Variants in NSRP1 observed in about 807,000 individuals in gnomAD.
NSRP1 encodes the protein coiled-coil domain containing 55.
Under a neutral mutation model 54.7 loss-of-function variants are expected in NSRP1, and 24 were observed. The ratio of observed to expected loss-of-function variants is 0.44; its 90% CI spans 0.32 to 0.62. The LOEUF (loss-of-function observed/expected upper bound fraction) is 0.62. NSRP1 is among the 20% of genes least tolerant of loss of function. The pLI, the probability that NSRP1 is intolerant of heterozygous loss-of-function variation, is 0.06. For missense variants in NSRP1, 596 were observed against 651.2 expected (o/e 0.92, Z 0.92); for synonymous variants, 210 against 213.8 (o/e 0.98, Z 0.15).
At chr17:30,179,694 C>G (rs1477141244) in intron 5 of NSRP1, among the ~76,000 whole-genome samples, 1 of 151,906 alleles carries the variant, frequency 6.6e-6, no homozygotes, top group Non-Finnish European at 1.5e-5. Flanking sequence ...TAACACCACT[C>G]AAGGAGGATC....
chr17:30,120,938 G>A (rs761511813), intron 2 of NSRP1, among the ~76,000 whole-genome samples: 6 of 152,174 alleles, frequency 3.9e-5, no homozygotes, highest in Non-Finnish European at 8.8e-5. Flanking sequence ...AATCAAGGCA[G>A]GAATAAGCAT....
At chr17:30,178,676 G>A (rs1055690685) in intron 4 of NSRP1, among the ~76,000 whole-genome samples, 2 of 152,088 alleles carry the variant, frequency 1.3e-5, no homozygotes, top group Non-Finnish European at 2.9e-5. Context: ...ACAAGCACAG[G>A]CTGATTTTTA....
chr17:30,127,326 T>TCCA (rs1222600762), intron 2 of NSRP1, among the ~76,000 whole-genome samples: 2 of 152,256 alleles, frequency 1.3e-5, no homozygotes, highest in Non-Finnish European at 2.9e-5. Flanking sequence ...AATTGAAATG[T>TCCA]TTATTTCTAA....
At chr17:30,145,110 T>G (rs1442862860) in intron 2 of NSRP1, among the ~76,000 whole-genome samples, 2 of 152,240 alleles carry the variant, frequency 1.3e-5, no homozygotes, top group African/African-American at 4.8e-5. Context: ...ACGTCTACTG[T>G]ATTTTATCTA....
intron 2 of NSRP1, among the ~76,000 whole-genome samples, chr17:30,126,780 G>C (rs1016352898): frequency 6.6e-6 from 1 of 152,148 alleles, no homozygotes; most frequent in Non-Finnish European, 1.5e-5. Flanking sequence ...GTAGAGACAG[G>C]GTTTCGCCAT....
At chr17:30,171,932 T>TCACACACA (rs1491377647) in intron 2 of NSRP1, among the ~76,000 whole-genome samples, 2 of 92,154 alleles carry the variant, frequency 2.2e-5, no homozygotes, top group African/African-American at 8.5e-5. Flanking sequence ...TTTCCCCATT[T>TCACACACA]CTCACACACA....
At chr17:30,147,932 C>T (rs2071872744) in intron 2 of NSRP1, among the ~76,000 whole-genome samples, 1 of 152,114 alleles carries the variant, frequency 6.6e-6, no homozygotes, top group East Asian at 1.9e-4. Flanking sequence ...CTGTCCCAGC[C>T]TCCCGAGTAG....
chr17:30,118,520 C>T (rs1463485281), intron 2 of NSRP1, among the ~76,000 whole-genome samples: 1 of 152,114 alleles, frequency 6.6e-6, no homozygotes, highest in African/African-American at 2.4e-5. Context: ...ATTTGTTAAC[C>T]ATGAGCTAAG....
intron 2 of NSRP1, among the ~76,000 whole-genome samples, chr17:30,118,747 C>CT (rs1305923308): frequency 1.3e-5 from 2 of 149,358 alleles, no homozygotes; most frequent in Non-Finnish European, 3.0e-5. Context: ...CTTTTCTTTT[C>CT]TCTTTTTTTT....
chr17:30,175,009 T>C (rs928545916), intron 3 of NSRP1, among the ~76,000 whole-genome samples: 1 of 152,236 alleles, frequency 6.6e-6, no homozygotes, highest in Non-Finnish European at 1.5e-5. Context: ...TGGCGAGCCT[T>C]ATACAATGAG....
chr17:30,152,961 T>C (rs1444212101), intron 2 of NSRP1, among the ~76,000 whole-genome samples: 2 of 137,918 alleles, frequency 1.5e-5, no homozygotes, highest in South Asian at 2.4e-4. Flanking sequence ...CAGGCTGGAG[T>C]ATAGTGGCAT....
chr17:30,158,542 C>T (rs1597611821), intron 2 of NSRP1, among the ~76,000 whole-genome samples: 1 of 152,162 alleles, frequency 6.6e-6, no homozygotes, highest in East Asian at 1.9e-4. Flanking sequence ...TTGCCTCAAC[C>T]AGTGTCCCTG....
At chr17:30,117,658 G>GA (rs946164230) in intron 1 of NSRP1, among the ~76,000 whole-genome samples, 7 of 151,152 alleles carry the variant, frequency 4.6e-5, no homozygotes, top group Non-Finnish European at 8.8e-5. Flanking sequence ...TACACAGTAG[G>GA]AAAAAAAATC....
intron 2 of NSRP1, chr17:30,169,057 A>G (rs561186549): frequency 2.0e-5 from 3 of 152,008 alleles, no homozygotes; most frequent in Non-Finnish European, 4.4e-5. Context: ...TGTTTTTTCA[A>G]CGGTCATACT....
intron 2 of NSRP1, among the ~76,000 whole-genome samples, chr17:30,127,295 A>G (rs1261582041): frequency 6.6e-6 from 1 of 152,248 alleles, no homozygotes; most frequent in Non-Finnish European, 1.5e-5. Flanking sequence ...GAGCATAATG[A>G]ATTTTCCTTT....
chr17:30,162,429 T>C (rs1730478803), intron 2 of NSRP1, among the ~76,000 whole-genome samples: 1 of 152,216 alleles, frequency 6.6e-6, no homozygotes, highest in African/African-American at 2.4e-5. Flanking sequence ...GCCCTTAAAC[T>C]TTGTACTTAC....
intron 2 of NSRP1, among the ~76,000 whole-genome samples, chr17:30,139,381 C>T (rs1467957083): frequency 6.6e-6 from 1 of 152,110 alleles, no homozygotes; most frequent in Non-Finnish European, 1.5e-5. Flanking sequence ...TTTAATTATG[C>T]TGATCCAGTT....
rs74788252 is a variant in NSRP1, at chr17:30,138,258, T to C, written c.114+20085T>C. Among the ~76,000 whole-genome samples the C allele has an allele frequency of 4.6e-3, 701 of 152,336 alleles. 18 individuals are homozygous for C. Among genetic ancestry groups the C allele is most frequent in the Admixed American group, 0.038 (584 of 15,292 alleles). Reference sequence around the variant, plus strand: ...TTCATCCATGCCTGGACCTTTTGGCTGTTGTGAATAATGCTGCTATGAACA... The same window carrying C: ...TTCATCCATGCCTGGACCTTTTGGCCGTTGTGAATAATGCTGCTATGAACA... On this transcript the variant is annotated intron_variant, in intron 2 of 6. Transcript: ENST00000247026.
At chr17:30,154,320 C>CA (rs982213485) in intron 2 of NSRP1, 207 of 134,526 alleles carry the variant, frequency 1.5e-3, no homozygotes, top group Middle Eastern at 7.5e-3. Flanking sequence ...GACCCTGTCT[C>CA]AAAAAAAAAA....
Sources: gnomAD v4.1 joint callset for allele counts (sites outside exome capture counted in the v4.1 genomes callset) on GRCh38, gnomAD v4.1.1 for gene constraint, MANE v1.5 for transcripts, NCBI Gene and HGNC (gene_info 2026-07-23, HGNC 2026-07-21) for gene names.